The following SNX13 variants were observed in gnomAD, a reference collection of about 807,000 sequenced individuals.
SNX13 encodes sorting nexin 13.
SNX13 carries 45 observed loss-of-function variants against 133.6 expected under a neutral mutation model. That is an observed-to-expected ratio of 0.34 (90% CI 0.27 to 0.43). SNX13 has a LOEUF of 0.43. Among genes scored for constraint, SNX13 ranks in the 20% least tolerant of loss-of-function variants. The pLI is 1.00. For synonymous variants in SNX13, 414 were observed against 373.9 expected, an observed-to-expected ratio of 1.11 and a Z score of -1.24; for missense variants, 1,032 against 1,145.1, an observed-to-expected ratio of 0.90 and a Z score of 1.43.
intron 9 of SNX13, 64 bp downstream of exon 9, chr7:17,868,343 A>T: frequency 8.3e-7 from 1 of 1,201,676 alleles, no homozygotes; most frequent in African/African-American, 1.5e-5. Context: ...CCTATCTCCC[A>T]ACTATATTTT....
chr7:17,890,349 T>C lies in SNX13; in HGVS notation c.440+14A>G. On this transcript the variant is annotated intron_variant, in intron 5 of 25. Transcript: ENST00000428135. The stretch of plus-strand genomic sequence containing the variant: ...TCTAAATTTTTCTGCATAAATACAA[T>C]GTCGTGTCCTTACCTAGTAGCAAAC... 1 of 1,600,874 alleles carries C rather than the reference T, an allele frequency of 6.2e-7. No homozygotes were observed. Among genetic ancestry groups the C allele is most frequent in the South Asian group, 1.1e-5 (1 of 88,208 alleles).
intron 1 of SNX13, among the ~76,000 whole-genome samples, chr7:17,902,046 G>C (rs1423901160): frequency 6.6e-6 from 1 of 152,146 alleles, no homozygotes; most frequent in African/African-American, 2.4e-5. Context: ...GCACCAATTT[G>C]TCAACAAGGG....
chr7:17,829,645 T>C (rs2128308197), intron 16 of SNX13, among the ~76,000 whole-genome samples: 1 of 151,476 alleles, frequency 6.6e-6, no homozygotes, highest in African/African-American at 2.4e-5. Context: ...CTGATTCCAA[T>C]ATAAACATTT....
At chr7:17,803,322 T>C (rs1463926703) in intron 21 of SNX13, 97 bp downstream of exon 21, 1 of 1,122,548 alleles carries the variant, frequency 8.9e-7, no homozygotes, top group Non-Finnish European at 1.2e-6. Flanking sequence ...GGAAAAGAAA[T>C]AAGGTTAAGG....
intron 5 of SNX13, chr7:17,880,297 C>T (rs920468976): frequency 1.3e-5 from 2 of 152,206 alleles, no homozygotes; most frequent in East Asian, 1.9e-4. Context: ...AATTCAATTA[C>T]ACTCTTCAAC....
At chr7:17,818,140 G>A (rs1786879644) in intron 18 of SNX13, among the ~76,000 whole-genome samples, 2 of 152,114 alleles carry the variant, frequency 1.3e-5, no homozygotes, top group Non-Finnish European at 2.9e-5. Flanking sequence ...GCCAAGAAGC[G>A]AGGCCTCACG....
intron 5 of SNX13, among the ~76,000 whole-genome samples, chr7:17,877,823 T>C (rs940854831): frequency 1.3e-5 from 2 of 152,018 alleles, no homozygotes; most frequent in Admixed American, 6.5e-5. Flanking sequence ...ACAGTACCGA[T>C]ATCTTATCTC....
At chr7:17,860,822 T>G (rs1000482097) in intron 9 of SNX13, among the ~76,000 whole-genome samples, 1 of 152,194 alleles carries the variant, frequency 6.6e-6, no homozygotes, top group Non-Finnish European at 1.5e-5. Flanking sequence ...AAGTCTACAT[T>G]TCTATCTTTA....
At chr7:17,855,417 A>G (rs1461591457) in intron 9 of SNX13, among the ~76,000 whole-genome samples, 5 of 152,202 alleles carry the variant, frequency 3.3e-5, no homozygotes, top group African/African-American at 1.2e-4. Context: ...GCCATCTACT[A>G]CTTTCACAAT....
At chr7:17,936,786 A>G (rs548021698) in intron 1 of SNX13, among the ~76,000 whole-genome samples, 1 of 151,800 alleles carries the variant, frequency 6.6e-6, no homozygotes, top group South Asian at 2.1e-4. Context: ...CAAACATCCC[A>G]TGCTCTAATT....
chr7:17,803,270 T>C, intron 21 of SNX13, 149 bp downstream of exon 21: 1 of 643,510 alleles, frequency 1.6e-6, no homozygotes. Flanking sequence ...TTTTTCTCTT[T>C]AGTTCTTTAT....
intron 1 of SNX13, among the ~76,000 whole-genome samples, chr7:17,923,303 G>A (rs371807122): frequency 1.3e-5 from 2 of 152,190 alleles, no homozygotes. Context: ...CTTGTATATA[G>A]AAAGTTTTAA....
chr7:17,871,035 T>C (rs769666208), intron 8 of SNX13, among the ~76,000 whole-genome samples: 54 of 151,828 alleles, frequency 3.6e-4, no homozygotes, highest in Admixed American at 5.9e-4. Flanking sequence ...AGAGGGAGTC[T>C]GGCTCTGTCG....
chr7:17,833,578 C>T (rs1057403379), intron 15 of SNX13, among the ~76,000 whole-genome samples: 6 of 151,538 alleles, frequency 4.0e-5, no homozygotes, highest in Non-Finnish European at 5.9e-5. Flanking sequence ...ATGACTCTTG[C>T]GGCTTTTTCT....
At chr7:17,939,746 C>G (rs369614949) in intron 1 of SNX13, among the ~76,000 whole-genome samples, 35 of 152,222 alleles carry the variant, frequency 2.3e-4, no homozygotes, top group African/African-American at 7.2e-4. Flanking sequence ...GATGACCCAA[C>G]TGAGCCATAC....
At chr7:17,927,186 C>T (rs1281978285) in intron 1 of SNX13, among the ~76,000 whole-genome samples, 2 of 149,490 alleles carry the variant, frequency 1.3e-5, no homozygotes, top group East Asian at 3.9e-4. Context: ...TATGCGTGTA[C>T]ATATAATATA....
chr7:17,843,806 C>A (rs1252291866), intron 12 of SNX13, among the ~76,000 whole-genome samples: 2 of 151,956 alleles, frequency 1.3e-5, no homozygotes, highest in Non-Finnish European at 2.9e-5. Context: ...AAACAACACA[C>A]TTTTTATTTA....
rs1192195594 is a variant in SNX13, at chr7:17,821,660, T to C, written c.1706-12A>G. 6 of 1,612,710 alleles carry C rather than the reference T, an allele frequency of 3.7e-6. No homozygotes were observed. Among genetic ancestry groups the C allele is most frequent in the Admixed American group, 3.3e-5 (2 of 59,904 alleles). ...ATCATTACAAACGCCTGCCACAGCA[T>C]ATGGGTCATAGTCAGCATATACTAA... is the stretch of plus-strand genomic sequence containing the variant. On this transcript the variant is annotated splice_polypyrimidine_tract_variant and intron_variant, in intron 17 of 25. Coordinates refer to ENST00000428135, the MANE Select transcript of SNX13 (RefSeq NM_015132.5).
intron 1 of SNX13, among the ~76,000 whole-genome samples, chr7:17,921,150 G>A (rs1396893284): frequency 1.3e-5 from 2 of 152,136 alleles, no homozygotes; most frequent in Non-Finnish European, 2.9e-5. Flanking sequence ...TACAAGGATA[G>A]GACTTCCTAT....
Sources: gnomAD v4.1 joint callset for allele counts (sites outside exome capture counted in the v4.1 genomes callset) on GRCh38, gnomAD v4.1.1 for gene constraint, MANE v1.5 for transcripts, NCBI Gene and HGNC (gene_info 2026-07-23, HGNC 2026-07-21) for gene names.